LRRTM4: variants seen among roughly 807,000 people sequenced by gnomAD.
LRRTM4 encodes leucine rich repeat transmembrane neuronal 4, also known as leucine-rich repeat transmembrane neuronal protein 4.
LRRTM4 carries 25 observed loss-of-function variants against 47.6 expected under a neutral mutation model. That is an observed-to-expected ratio of 0.53 (90% CI 0.38 to 0.73). The LOEUF is 0.73. Ranked by LOEUF, LRRTM4 falls within the 30% of genes least tolerant of loss-of-function variation. The pLI, the probability that LRRTM4 is intolerant of heterozygous loss-of-function variation, is 0.00. For synonymous variants in LRRTM4, 311 were observed against 269.5 expected (o/e 1.15, Z -1.51); for missense variants, 638 against 713.4 (o/e 0.89, Z 1.20).
At chr2:76,990,101 T>C (rs1039509570) in intron 3 of LRRTM4, among the ~76,000 whole-genome samples, 3 of 151,784 alleles carry the variant, frequency 2.0e-5, no homozygotes, top group Non-Finnish European at 4.4e-5. Flanking sequence ...CCTTAATCAC[T>C]CTTTACCAGG....
At chr2:77,116,445 T>G (rs549259423) in intron 3 of LRRTM4, among the ~76,000 whole-genome samples, 1 of 152,266 alleles carries the variant, frequency 6.6e-6, no homozygotes, top group East Asian at 1.9e-4. Flanking sequence ...AATATATAAT[T>G]ACTGCAGTAA....
At chr2:77,244,488 A>G (rs10195988) in intron 3 of LRRTM4, among the ~76,000 whole-genome samples, 82,627 of 151,390 alleles carry the variant, frequency 0.55, 22,883 homozygotes, top group African/African-American at 0.6. Context: ...ATAATTTTGC[A>G]CCAGAAGAAT....
intron 3 of LRRTM4, among the ~76,000 whole-genome samples, chr2:77,489,269 T>C (rs535268612): frequency 6.6e-6 from 1 of 152,270 alleles, no homozygotes; most frequent in African/African-American, 2.4e-5. Context: ...AGCACATAAG[T>C]TATGTCCACA....
Position 76,847,011 on chromosome 2 carries a change from T to C in LRRTM4, c.1552-98095A>G, listed in dbSNP as rs531554069. Among the ~76,000 whole-genome samples the C allele has an allele frequency of 7.9e-5, 12 of 152,198 alleles. No homozygotes were observed. In the East Asian group the frequency reaches 2.3e-3, roughly 29 times the overall value. On this transcript the variant is annotated intron_variant, in intron 3 of 3. Transcript: ENST00000409884. The stretch of plus-strand genomic sequence containing the variant: ...CTTCTGAGGAGAATAATATTTGAGA[T>C]AGATTTTGGAAGACAACAGGTATGT...
chr2:77,039,888 TTAG>T (rs1573486517), intron 3 of LRRTM4, among the ~76,000 whole-genome samples: 1 of 151,050 alleles, frequency 6.6e-6, no homozygotes, highest in African/African-American at 2.4e-5. Context: ...AAAAGGAAAC[TTAG>T]TAATTTTCTC....
Position 76,748,014 on chromosome 2 carries a change from G to A in LRRTM4, c.*681C>T, listed in dbSNP as rs981835398. 4.6e-5 allele frequency: 7 copies of A among 152,312 alleles called. No homozygotes were observed. The highest frequency in any genetic ancestry group is 1.7e-4 in the African/African-American group (7 of 41,424). 9.4% of individuals were successfully genotyped at this position (152,312 alleles called of 1,614,324 possible). Reference sequence around the variant, plus strand: ...CTATCATGTACCATATATGGCATTTGTCATGAAGGGTCATTCACCCAGACT... The same window carrying A: ...CTATCATGTACCATATATGGCATTTATCATGAAGGGTCATTCACCCAGACT... On this transcript the variant is annotated 3_prime_UTR_variant, in exon 4 of 4. Coordinates refer to ENST00000409884, the MANE Select transcript of LRRTM4 (RefSeq NM_001134745.3).
chr2:77,079,686 G>A (rs913000683), intron 3 of LRRTM4, among the ~76,000 whole-genome samples: 1 of 152,082 alleles, frequency 6.6e-6, no homozygotes, highest in Admixed American at 6.6e-5. Flanking sequence ...TATTGAAAAG[G>A]TATTCTGATT....
intron 3 of LRRTM4, among the ~76,000 whole-genome samples, chr2:77,424,960 T>A (rs1193291932): frequency 6.6e-6 from 1 of 152,166 alleles, no homozygotes; most frequent in Non-Finnish European, 1.5e-5. Flanking sequence ...AGATGCTTGA[T>A]GTTTTAAGTG....
intron 3 of LRRTM4, among the ~76,000 whole-genome samples, chr2:77,343,564 C>CA (rs1303201523): frequency 1.3e-5 from 2 of 151,486 alleles, no homozygotes; most frequent in Admixed American, 6.6e-5. Context: ...CTAAATTTTC[C>CA]AAAAAATATT....
At chr2:76,807,429 T>TAA (rs1670533014) in intron 3 of LRRTM4, among the ~76,000 whole-genome samples, 1 of 99,546 alleles carries the variant, frequency 1.0e-5, no homozygotes, top group African/African-American at 5.6e-5. Context: ...TATATACATA[T>TAA]ATATATACGT....
intron 3 of LRRTM4, among the ~76,000 whole-genome samples, chr2:77,444,359 C>T (rs917221993): frequency 3.3e-5 from 5 of 152,080 alleles, no homozygotes; most frequent in Admixed American, 2.6e-4. Context: ...TAAAAATTTA[C>T]ACTTTCTGAA....
chr2:76,753,617 C>T (rs1471135160), intron 3 of LRRTM4, among the ~76,000 whole-genome samples: 1 of 151,772 alleles, frequency 6.6e-6, no homozygotes, highest in Non-Finnish European at 1.5e-5. Context: ...GTTAGTAATT[C>T]AAAAAGAGAA....
chr2:76,908,714 G>A (rs1054642999), intron 3 of LRRTM4, among the ~76,000 whole-genome samples: 4 of 152,082 alleles, frequency 2.6e-5, no homozygotes, highest in African/African-American at 9.7e-5. Flanking sequence ...CAAACAGAGA[G>A]CCAAATCATG....
At chr2:77,332,744 G>C (rs1337031976) in intron 3 of LRRTM4, among the ~76,000 whole-genome samples, 1 of 152,148 alleles carries the variant, frequency 6.6e-6, no homozygotes, top group Non-Finnish European at 1.5e-5. Flanking sequence ...TAATGTAATA[G>C]TCACTAATTG....
chr2:77,212,468 T>TAG (rs1186538269), intron 3 of LRRTM4, among the ~76,000 whole-genome samples: 3 of 146,780 alleles, frequency 2.0e-5, no homozygotes, highest in African/African-American at 7.7e-5. Flanking sequence ...TATATATATA[T>TAG]ATATATAGAG....
At chr2:77,387,356 A>G (rs1175325248) in intron 3 of LRRTM4, among the ~76,000 whole-genome samples, 1 of 152,066 alleles carries the variant, frequency 6.6e-6, no homozygotes, top group Non-Finnish European at 1.5e-5. Flanking sequence ...GTGGGAAGCA[A>G]TCCACCATGG....
intron 3 of LRRTM4, among the ~76,000 whole-genome samples, chr2:77,347,757 G>A (rs1301342698): frequency 6.6e-6 from 1 of 151,858 alleles, no homozygotes; most frequent in Non-Finnish European, 1.5e-5. Context: ...TTTTTATTGT[G>A]TTCATGAACC....
chr2:77,111,591 T>C (rs1268234009), intron 3 of LRRTM4, among the ~76,000 whole-genome samples: 1 of 152,128 alleles, frequency 6.6e-6, no homozygotes, highest in Non-Finnish European at 1.5e-5. Flanking sequence ...TCCTGTGCTG[T>C]CCTACCCCAT....
chr2:76,860,112 TACAAGAGTTGAATAGTATATGCCAA>T (rs564985264), intron 3 of LRRTM4, among the ~76,000 whole-genome samples: 8 of 152,268 alleles, frequency 5.3e-5, no homozygotes, highest in Admixed American at 1.3e-4. Flanking sequence ...TAGGAGTACG[TACAAGAGTTGAATAGTATATGCCAA>T]ACATACAATA....
Sources: gnomAD v4.1 joint callset for allele counts (sites outside exome capture counted in the v4.1 genomes callset) on GRCh38, gnomAD v4.1.1 for gene constraint, MANE v1.5 for transcripts, NCBI Gene and HGNC (gene_info 2026-07-23, HGNC 2026-07-21) for gene names.